Variants in MMD observed in about 807,000 individuals in gnomAD.
The protein encoded by MMD is monocyte to macrophage differentiation factor.
Under a neutral mutation model 33.6 loss-of-function variants are expected in MMD, and 22 were observed. The observed-to-expected ratio is 0.66, with a 90% CI of 0.47 to 0.94. The LOEUF is 0.94. MMD is among the 40% of genes least tolerant of loss of function. The probability of loss-of-function intolerance (pLI) is 0.00; values close to 1 mark genes in which losing one functional copy is unlikely to be tolerated. For synonymous variants in MMD, 97 were observed against 103.2 expected (o/e 0.94, Z 0.36); for missense variants, 242 against 309.8 (o/e 0.78, Z 1.64).
At chr17:55,401,146 C>T (rs1420970546) in intron 6 of MMD, among the ~76,000 whole-genome samples, 1 of 152,074 alleles carries the variant, frequency 6.6e-6, no homozygotes, top group Non-Finnish European at 1.5e-5. Flanking sequence ...TTACGAGTTG[C>T]TGGCACACTT....
chr17:55,395,486 G>T (rs1032541493), intron 6 of MMD, among the ~76,000 whole-genome samples: 41 of 152,174 alleles, frequency 2.7e-4, no homozygotes, highest in Non-Finnish European at 3.7e-4. Flanking sequence ...TGTGTGCCCC[G>T]CAAGAGTAAA....
chr17:55,409,501 C>A (rs944084536), intron 3 of MMD, among the ~76,000 whole-genome samples: 4 of 152,200 alleles, frequency 2.6e-5, no homozygotes, highest in Admixed American at 2.0e-4. Flanking sequence ...GAAATAAGAT[C>A]TTTCTCATGG....
At chr17:55,412,489 A>G (rs1792746178) in intron 2 of MMD, among the ~76,000 whole-genome samples, 1 of 152,246 alleles carries the variant, frequency 6.6e-6, no homozygotes, top group Admixed American at 6.5e-5. Flanking sequence ...GTGTATGACT[A>G]TGACTAGTAA....
chr17:55,418,303 C>A (rs545801099), intron 1 of MMD, among the ~76,000 whole-genome samples: 1 of 152,344 alleles, frequency 6.6e-6, no homozygotes, highest in African/African-American at 2.4e-5. Context: ...GTCTTGTTCA[C>A]CTTTCCATTA....
chr17:55,411,440 T>C, intron 2 of MMD, 23 bp from the exon 3 acceptor site: 2 of 1,599,278 alleles, frequency 1.3e-6, no homozygotes, highest in Non-Finnish European at 1.7e-6. Context: ...TAAAGAATGG[T>C]GAATGGAATA....
Position 55,393,998 on chromosome 17 carries a change from C to T in MMD, c.*336G>A, listed in dbSNP as rs1284423200. ...AAAGGAAGGTTTGTTATTGCACTGA[C>T]TTTTACAACCTGACATAGTAATTTA... On this transcript the variant is annotated 3_prime_UTR_variant, in exon 7 of 7. Coordinates refer to ENST00000262065, the MANE Select transcript of MMD (RefSeq NM_012329.3). 2 of 168,672 alleles carry T rather than the reference C, an allele frequency of 1.2e-5. No homozygotes were observed. Among genetic ancestry groups the T allele is most frequent in the Non-Finnish European group, 2.5e-5 (2 of 79,286 alleles). 10.4% of individuals were successfully genotyped at this position (168,672 alleles called of 1,614,324 possible). A position where few individuals can be genotyped will look rare whatever the true frequency, so the allele number is the denominator to read the frequency against.
chr17:55,417,862 C>T (rs1015307122), intron 1 of MMD, among the ~76,000 whole-genome samples: 1 of 152,178 alleles, frequency 6.6e-6, no homozygotes, highest in Non-Finnish European at 1.5e-5. Flanking sequence ...TTAAAGTCTG[C>T]CTCTGGCTTC....
chr17:55,409,311 AAGG>A (rs1218464764), intron 3 of MMD, among the ~76,000 whole-genome samples: 1 of 152,166 alleles, frequency 6.6e-6, no homozygotes, highest in Non-Finnish European at 1.5e-5. Flanking sequence ...AGGGTGGAGG[AAGG>A]AGAATAAGTT....
At chr17:55,411,074 G>C (rs1282635778) in intron 3 of MMD, among the ~76,000 whole-genome samples, 183 bp downstream of exon 3, 2 of 152,208 alleles carry the variant, frequency 1.3e-5, no homozygotes, top group East Asian at 1.9e-4. Flanking sequence ...TGCTGGGGAG[G>C]AGTCCTAAAA....
Position 55,400,399 on chromosome 17 carries a change from A to C in MMD, c.516+1070T>G, listed in dbSNP as rs59999777. 6.9e-3 allele frequency among the ~76,000 whole-genome samples: 1,046 copies of C among 152,160 alleles called. 10 individuals carry two copies. The highest frequency in any genetic ancestry group is 0.024 in the African/African-American group (1,000 of 41,504). ...CCCATCTCTACTAAAAATACAAAAAATTAGCCAAGGGTTGCAGCCCGCATC... is the reference window on the plus strand; with the variant it reads ...CCCATCTCTACTAAAAATACAAAAACTTAGCCAAGGGTTGCAGCCCGCATC... On this transcript the variant is annotated intron_variant, in intron 6 of 6. Transcript: ENST00000262065.
chr17:55,419,670 G>A (rs888830045), intron 1 of MMD, among the ~76,000 whole-genome samples: 5 of 152,112 alleles, frequency 3.3e-5, no homozygotes, highest in African/African-American at 1.2e-4. Flanking sequence ...ATTACTTTTT[G>A]TTTATAGGCT....
At chr17:55,409,192 T>C (rs887358353) in intron 3 of MMD, among the ~76,000 whole-genome samples, 4 of 152,188 alleles carry the variant, frequency 2.6e-5, no homozygotes, top group Non-Finnish European at 5.9e-5. Flanking sequence ...GAAGCAAACA[T>C]TACGTCAATG....
chr17:55,400,629 A>C (rs950194864), intron 6 of MMD, among the ~76,000 whole-genome samples: 1 of 152,164 alleles, frequency 6.6e-6, no homozygotes, highest in Admixed American at 6.5e-5. Flanking sequence ...TCTTCTGAAC[A>C]ATGTAGGCTC....
intron 5 of MMD, among the ~76,000 whole-genome samples, chr17:55,401,938 G>T (rs1434866021): frequency 6.6e-6 from 1 of 151,860 alleles, no homozygotes; most frequent in African/African-American, 2.4e-5. Context: ...TGGGCGTGGC[G>T]AGCGCCTGTA....
At chr17:55,404,292 T>C (rs990866822) in intron 4 of MMD, among the ~76,000 whole-genome samples, 1 of 151,736 alleles carries the variant, frequency 6.6e-6, no homozygotes, top group Non-Finnish European at 1.5e-5. Context: ...GAGGCAGAGG[T>C]TGCAGTGAGC....
At chr17:55,416,693 C>A (rs554295230) in intron 1 of MMD, among the ~76,000 whole-genome samples, 71 of 152,318 alleles carry the variant, frequency 4.7e-4, no homozygotes, top group Non-Finnish European at 7.9e-4. Context: ...TCAACTCCCA[C>A]ACTCTGGCCT....
chr17:55,404,605 C>A, intron 4 of MMD: 2 of 985,282 alleles, frequency 2.0e-6, no homozygotes, highest in Non-Finnish European at 2.4e-6. Flanking sequence ...AATACACAAA[C>A]CAAGTGTGTC....
intron 5 of MMD, among the ~76,000 whole-genome samples, 170 bp from the exon 6 acceptor site, chr17:55,401,708 T>C (rs542526461): frequency 6.6e-6 from 1 of 152,286 alleles, no homozygotes; most frequent in Admixed American, 6.5e-5. Context: ...TAAAACACAG[T>C]AGCTGAGTAA....
rs374125073 is a variant in MMD at position 55,411,303 on chromosome 17, C to T, written c.223G>A (p.Val75Ile). Reference sequence around the variant, plus strand: ...GATACAATGTGAAATACTGTAGAAACGATGAAGAGGGCACAGAGTCCCATT... The same window carrying T: ...GATACAATGTGAAATACTGTAGAAATGATGAAGAGGGCACAGAGTCCCATT... ...YGMGLCALFI[V>I]STVFHIVSWK... Residue 75 changes from valine to isoleucine, a missense_variant, in exon 3 of 7, where the codon GTT (valine) becomes ATT (isoleucine). By Grantham distance (29) the Val-to-Ile change is conservative. Transcript: ENST00000262065. The T allele has an allele frequency of 2.1e-5, 34 of 1,613,804 alleles. No individual in the cohort carries two copies. In the African/African-American group the frequency reaches 3.1e-4, roughly 15 times the overall value.
Sources: gnomAD v4.1 joint callset for allele counts (sites outside exome capture counted in the v4.1 genomes callset) on GRCh38, gnomAD v4.1.1 for gene constraint, MANE v1.5 for transcripts, NCBI Gene and HGNC (gene_info 2026-07-23, HGNC 2026-07-21) for gene names.